MIPOL1: variants seen among roughly 807,000 people sequenced by gnomAD.
MIPOL1 encodes mirror-image polydactyly 1.
A neutral mutation model predicts 60.9 loss-of-function variants in MIPOL1; 57 were observed. That is an observed-to-expected ratio of 0.94 (90% CI 0.76 to 1.17). The LOEUF (loss-of-function observed/expected upper bound fraction) is 1.17. Ranked by LOEUF, MIPOL1 falls within the 50% of genes most tolerant of loss-of-function variation. MIPOL1 has a pLI of 0.00. For missense variants in MIPOL1, 551 were observed against 511.6 expected (o/e 1.08, Z -0.74); for synonymous variants, 179 against 168.8 (o/e 1.06, Z -0.47).
intron 3 of MIPOL1, among the ~76,000 whole-genome samples, chr14:37,263,040 G>A (rs2082621478): frequency 6.6e-6 from 1 of 151,996 alleles, no homozygotes; most frequent in Admixed American, 6.6e-5. Context: ...TGATTTATTG[G>A]GTAGCATCAA....
At chr14:37,205,582 T>A (rs965419764) in intron 1 of MIPOL1, among the ~76,000 whole-genome samples, 3 of 152,102 alleles carry the variant, frequency 2.0e-5, no homozygotes, top group Non-Finnish European at 2.9e-5. Context: ...AACTCATCAT[T>A]TACATTGGGT....
intron 11 of MIPOL1, among the ~76,000 whole-genome samples, chr14:37,439,150 C>T (rs1013487999): frequency 2.6e-5 from 4 of 152,108 alleles, no homozygotes; most frequent in African/African-American, 9.7e-5. Flanking sequence ...AATGAACATA[C>T]GTTACTATGT....
chr14:37,462,721 A>G (rs1468919260), intron 11 of MIPOL1, among the ~76,000 whole-genome samples: 3 of 152,188 alleles, frequency 2.0e-5, no homozygotes, highest in African/African-American at 7.2e-5. Context: ...GGCAGGGACA[A>G]AATGCTGCCA....
intron 9 of MIPOL1, among the ~76,000 whole-genome samples, chr14:37,332,307 T>C (rs937170464): frequency 1.3e-5 from 2 of 152,196 alleles, no homozygotes; most frequent in Non-Finnish European, 2.9e-5. Flanking sequence ...TGAAATATAT[T>C]GAAATGATTA....
At chr14:37,452,051 G>A (rs923363540) in intron 11 of MIPOL1, among the ~76,000 whole-genome samples, 55 of 151,586 alleles carry the variant, frequency 3.6e-4, no homozygotes, top group Middle Eastern at 6.8e-3. Flanking sequence ...TCCTGACCTC[G>A]TGATCCGCCC....
chr14:37,533,977 A>G lies in MIPOL1; in HGVS notation c.1263-12928A>G, dbSNP rs2095493915. Among the ~76,000 whole-genome samples the G allele has an allele frequency of 3.3e-5, 5 of 151,752 alleles. No homozygotes were observed. The South Asian group carries it at 8.3e-4, about 25-fold the overall frequency. On this transcript the variant is annotated intron_variant, in intron 12 of 12. Coordinates refer to ENST00000684589, the MANE Select transcript of MIPOL1 (RefSeq NM_001388067.1). ...GATGGCACGTCCCTTAATCTCAGCT[A>G]CTTGGGAGGCTGAGGCAGGAGAGGT...
rs377641188 is a variant in MIPOL1, at chr14:37,539,118, C to G, written c.1263-7787C>G. ...TCGGGAGGCTGAGGCAGGAGAATGG[C>G]GTGAACCCAGGAGGCGGAGCTTGCA... On this transcript the variant is annotated intron_variant, in intron 12 of 12. Transcript: ENST00000684589. 3.7e-4 allele frequency among the ~76,000 whole-genome samples: 56 copies of G among 152,186 alleles called. No homozygotes were observed. In the East Asian group the frequency reaches 0.01, roughly 28 times the overall value.
intron 9 of MIPOL1, among the ~76,000 whole-genome samples, chr14:37,310,404 C>G (rs960101189): frequency 3.3e-5 from 5 of 152,044 alleles, no homozygotes; most frequent in African/African-American, 1.2e-4. Context: ...GTTATCTCAC[C>G]TCTCCTCCCA....
intron 11 of MIPOL1, among the ~76,000 whole-genome samples, chr14:37,432,609 CT>C (rs894400076): frequency 1.9e-4 from 28 of 145,428 alleles, no homozygotes; most frequent in Admixed American, 6.9e-4. Flanking sequence ...AAAAAAATTT[CT>C]TTTTTTTTTA....
intron 1 of MIPOL1, among the ~76,000 whole-genome samples, chr14:37,205,186 CT>C (rs1350625554): frequency 6.6e-6 from 1 of 151,962 alleles, no homozygotes; most frequent in Non-Finnish European, 1.5e-5. Flanking sequence ...TCACTGCAAC[CT>C]CCACCTCTGG....
chr14:37,292,803 C>T (rs867833569), intron 7 of MIPOL1, among the ~76,000 whole-genome samples: 7 of 152,022 alleles, frequency 4.6e-5, no homozygotes, highest in African/African-American at 1.2e-4. Context: ...AATTTTCAGG[C>T]CTGTTTGCCT....
intron 11 of MIPOL1, among the ~76,000 whole-genome samples, chr14:37,454,109 G>A (rs1184900455): frequency 6.6e-6 from 1 of 152,200 alleles, no homozygotes; most frequent in Non-Finnish European, 1.5e-5. Flanking sequence ...ATAAGGAATT[G>A]ACACACTATG....
chr14:37,356,521 C>T (rs985953935), intron 9 of MIPOL1, among the ~76,000 whole-genome samples: 1 of 152,160 alleles, frequency 6.6e-6, no homozygotes, highest in African/African-American at 2.4e-5. Flanking sequence ...TGCCGCCTTG[C>T]AGTTTGATCT....
At chr14:37,264,577 A>C (rs763647631) in intron 3 of MIPOL1, among the ~76,000 whole-genome samples, 1 of 152,090 alleles carries the variant, frequency 6.6e-6, no homozygotes, top group South Asian at 2.1e-4. Context: ...GCAGCGAGCC[A>C]TGATTGTGCT....
chr14:37,509,806 T>C (rs1374552168), intron 12 of MIPOL1, among the ~76,000 whole-genome samples: 1 of 151,582 alleles, frequency 6.6e-6, no homozygotes, highest in African/African-American at 2.4e-5. Flanking sequence ...TATCTACTTA[T>C]GTATAAGCTA....
intron 7 of MIPOL1, among the ~76,000 whole-genome samples, chr14:37,288,153 T>G (rs186622321): frequency 9.2e-5 from 14 of 151,680 alleles, no homozygotes; most frequent in Non-Finnish European, 1.8e-4. Flanking sequence ...TTTTTAAGTT[T>G]TTGAGGTTTT....
Position 37,214,490 on chromosome 14 carries a change from C to T in MIPOL1, c.-199+16386C>T, listed in dbSNP as rs563932815. ...GTGCTGAGGCAAGAGACCGAGGACA[C>T]GAGCTGTTCCAGTATAATAAAGAAA... On this transcript the variant is annotated intron_variant, in intron 1 of 12. Coordinates refer to ENST00000684589, the MANE Select transcript of MIPOL1 (RefSeq NM_001388067.1). 6.6e-5 allele frequency among the ~76,000 whole-genome samples: 10 copies of T among 152,060 alleles called. No individual in the cohort carries two copies. In the East Asian group the frequency reaches 7.8e-4, roughly 12 times the overall value.
At chr14:37,513,508 G>A (rs1257824337) in intron 12 of MIPOL1, among the ~76,000 whole-genome samples, 1 of 152,008 alleles carries the variant, frequency 6.6e-6, no homozygotes, top group East Asian at 1.9e-4. Context: ...TTAATTATCT[G>A]GCTAACTCCT....
At chr14:37,402,970 A>G (rs999862799) in intron 10 of MIPOL1, among the ~76,000 whole-genome samples, 1 of 152,168 alleles carries the variant, frequency 6.6e-6, no homozygotes, top group Non-Finnish European at 1.5e-5. Context: ...CGGTAGCCAC[A>G]ACCTGTTCGT....
Sources: allele counts gnomAD v4.1 joint callset (sites outside exome capture counted in the v4.1 genomes callset), GRCh38; gene constraint gnomAD v4.1.1; transcripts MANE v1.5; gene names NCBI Gene and HGNC (gene_info 2026-07-23, HGNC 2026-07-21).